Variants in OSBPL8 observed in about 807,000 individuals in gnomAD.
The protein encoded by OSBPL8 is oxysterol binding protein like 8.
In OSBPL8, 59 loss-of-function variants were observed where a neutral mutation model predicts 125.5. The observed-to-expected ratio is 0.47, with a 90% confidence interval of 0.38 to 0.58. OSBPL8 has a LOEUF of 0.58. Among genes scored for constraint, OSBPL8 ranks in the 20% least tolerant of loss-of-function variants. The pLI, the probability that OSBPL8 is intolerant of heterozygous loss-of-function variation, is 0.00. For missense variants in OSBPL8, 758 were observed against 1,047.8 expected (o/e 0.72, Z 3.82); for synonymous variants, 330 against 338.9 (o/e 0.97, Z 0.29).
chr12:76,413,791 G>T (rs140436455), intron 4 of OSBPL8, among the ~76,000 whole-genome samples: 1 of 151,482 alleles, frequency 6.6e-6, no homozygotes, highest in South Asian at 2.1e-4. Context: ...AAAAAAAATC[G>T]TCTATCTTTT....
chr12:76,382,177 T>C lies in OSBPL8; in HGVS notation c.1630+2077A>G, dbSNP rs901505709. Reference sequence around the variant, plus strand: ...CTGATACAATCATATTATTGGGTTTTAGTCTATCATTTTGCTATGTGTTTT... The same window carrying C: ...CTGATACAATCATATTATTGGGTTTCAGTCTATCATTTTGCTATGTGTTTT... On this transcript the variant is annotated intron_variant, in intron 15 of 23. Transcript: ENST00000261183. Among the ~76,000 whole-genome samples the C allele has an allele frequency of 2.0e-5, 3 of 152,368 alleles. No homozygotes were observed. The South Asian group carries it at 6.2e-4, about 32-fold the overall frequency.
chr12:76,502,496 T>G (rs990669523), intron 1 of OSBPL8, among the ~76,000 whole-genome samples: 12 of 152,130 alleles, frequency 7.9e-5, no homozygotes, highest in African/African-American at 2.9e-4. Context: ...CTAATTACCA[T>G]GGAGAAACTG....
At chr12:76,554,371 T>C (rs1338154529) in intron 1 of OSBPL8, among the ~76,000 whole-genome samples, 3 of 152,140 alleles carry the variant, frequency 2.0e-5, no homozygotes, top group Non-Finnish European at 4.4e-5. Context: ...GCAAATAAAT[T>C]ATACAAGGCA....
rs539404319 is a variant in OSBPL8 at position 76,421,150 on chromosome 12, C to T, written c.218-10516G>A. 3.9e-5 allele frequency among the ~76,000 whole-genome samples: 6 copies of T among 152,042 alleles called. No homozygotes were observed. The East Asian group carries it at 9.7e-4, about 24-fold the overall frequency. ...CATGAAGGTCAGCAAACAATATATA[C>T]TAGCAAGCTTGTTGGCCTAAAAAAT... On this transcript the variant is annotated intron_variant, in intron 4 of 23. Transcript: ENST00000261183.
intron 1 of OSBPL8, among the ~76,000 whole-genome samples, chr12:76,551,451 C>G (rs944506081): frequency 6.6e-6 from 1 of 152,152 alleles, no homozygotes; most frequent in East Asian, 1.9e-4. Flanking sequence ...CACAGGAACA[C>G]ACAACAAAGA....
rs182957398 is a variant in OSBPL8 at position 76,427,952 on chromosome 12, A to T, written c.218-17318T>A. ...ATATCAAAGTGCATCCTACTCTGAC[A>T]TTAAAAGGCAAGTTGTTTCATGTTG... On this transcript the variant is annotated intron_variant, in intron 4 of 23. Transcript: ENST00000261183. Among the ~76,000 whole-genome samples, 967 of 152,180 alleles carry T rather than the reference A, an allele frequency of 6.4e-3. 11 individuals are homozygous for T. The highest frequency in any genetic ancestry group is 0.022 in the African/African-American group (934 of 41,550).
chr12:76,369,386 T>A, intron 20 of OSBPL8, 85 bp from the exon 21 acceptor site: 3 of 1,480,162 alleles, frequency 2.0e-6, no homozygotes, highest in Non-Finnish European at 2.7e-6. Context: ...TCCAATTTTA[T>A]TAATAATTAT....
At chr12:76,411,812 A>G (rs532600050) in intron 4 of OSBPL8, among the ~76,000 whole-genome samples, 24 of 152,278 alleles carry the variant, frequency 1.6e-4, no homozygotes, top group Non-Finnish European at 2.8e-4. Flanking sequence ...CCCCACTCCT[A>G]TAATGAGACA....
At position 76,506,751 on chromosome 12, in the gene OSBPL8, G is replaced by C. The variant is rs1273086750; in HGVS notation, c.-67-19133C>G. Among the ~76,000 whole-genome samples the C allele has an allele frequency of 2.0e-5, 3 of 152,166 alleles. No homozygotes were observed. In the East Asian group the frequency reaches 5.8e-4, roughly 29 times the overall value. ...CTGCTAATAACAAAAAATCCTGGAA[G>C]GGGAAAGTGGCTGGGGGCTTAAAGT... On this transcript the variant is annotated intron_variant, in intron 1 of 23. Transcript: ENST00000261183.
At chr12:76,392,981 T>C (rs956396462) in intron 9 of OSBPL8, among the ~76,000 whole-genome samples, 1 of 152,208 alleles carries the variant, frequency 6.6e-6, no homozygotes, top group African/African-American at 2.4e-5. Flanking sequence ...TTAGAAACTA[T>C]ACCCAATCTA....
Position 76,352,576 on chromosome 12 carries a change from C to G in OSBPL8, c.*3313G>C, listed in dbSNP as rs1272854833. ...CTTACTGATTTCTGTGGGATTTTCC[C>G]CACTGGTTCAAATTGGAAAATTTGA... On this transcript the variant is annotated 3_prime_UTR_variant, in exon 24 of 24. Transcript: ENST00000261183. 3 of 152,336 alleles carry G rather than the reference C, an allele frequency of 2.0e-5. No individual in the cohort carries two copies. 9.4% of individuals were successfully genotyped at this position (152,336 alleles called of 1,614,324 possible).
intron 5 of OSBPL8, among the ~76,000 whole-genome samples, chr12:76,403,061 TTTAG>T (rs562631082): frequency 2.0e-5 from 3 of 152,182 alleles, no homozygotes; most frequent in South Asian, 4.1e-4. Context: ...TATATAATTA[TTTAG>T]TTATTCTTAG....
chr12:76,391,534 G>C (rs1953556314), intron 10 of OSBPL8, among the ~76,000 whole-genome samples: 1 of 151,652 alleles, frequency 6.6e-6, no homozygotes, highest in Non-Finnish European at 1.5e-5. Context: ...AGAGAGTGGG[G>C]GAAAAAAGAA....
chr12:76,495,375 G>A (rs1473572935), intron 1 of OSBPL8, among the ~76,000 whole-genome samples: 2 of 152,244 alleles, frequency 1.3e-5, no homozygotes, highest in African/African-American at 4.8e-5. Flanking sequence ...GCCTCCCAAA[G>A]GAATTCAGTC....
intron 4 of OSBPL8, among the ~76,000 whole-genome samples, chr12:76,417,842 TCTA>T (rs1450122698): frequency 6.6e-6 from 1 of 152,172 alleles, no homozygotes; most frequent in Non-Finnish European, 1.5e-5. Context: ...CCAGCCTCTT[TCTA>T]CTGTTTGTTG....
rs1953047665 is a variant in OSBPL8 at position 76,381,461 on chromosome 12, G to C, written c.1630+2793C>G. ...TCTTGGGTCAGCTGTGGTAATTTGTGTCTCTTAAGAAATTTGTCCATTTCA... is the reference window on the plus strand; with the variant it reads ...TCTTGGGTCAGCTGTGGTAATTTGTCTCTCTTAAGAAATTTGTCCATTTCA... On this transcript the variant is annotated intron_variant, in intron 15 of 23. Transcript: ENST00000261183. Among the ~76,000 whole-genome samples the C allele has an allele frequency of 1.3e-5, 2 of 152,080 alleles. 1 individual carries two copies. Among genetic ancestry groups the C allele is most frequent in the South Asian group, 4.1e-4 (2 of 4,824 alleles).
intron 1 of OSBPL8, among the ~76,000 whole-genome samples, chr12:76,508,061 C>T (rs1034973627): frequency 1.3e-5 from 2 of 151,674 alleles, no homozygotes; most frequent in Non-Finnish European, 2.9e-5. Context: ...ATCCCAGCTA[C>T]TCGCAAGGCT....
At chr12:76,370,206 A>C (rs1952568515) in intron 19 of OSBPL8, among the ~76,000 whole-genome samples, 1 of 152,204 alleles carries the variant, frequency 6.6e-6, no homozygotes, top group African/African-American at 2.4e-5. Flanking sequence ...CTGGCTTCAT[A>C]AAGATCCATT....
chr12:76,516,228 T>A (rs1881518930), intron 1 of OSBPL8, among the ~76,000 whole-genome samples: 2 of 152,222 alleles, frequency 1.3e-5, no homozygotes, highest in African/African-American at 4.8e-5. Context: ...GAAACTCCCA[T>A]GTGAAAAGTG....
Sources: allele counts gnomAD v4.1 joint callset (sites outside exome capture counted in the v4.1 genomes callset), GRCh38; gene constraint gnomAD v4.1.1; transcripts MANE v1.5; gene names NCBI Gene and HGNC (gene_info 2026-07-23, HGNC 2026-07-21).